NAALADL2: variants seen among roughly 807,000 people sequenced by gnomAD.
NAALADL2 encodes N-acetylated alpha-linked acidic dipeptidase like 2.
A neutral mutation model predicts 87.2 loss-of-function variants in NAALADL2; 76 were observed. The ratio of observed to expected loss-of-function variants is 0.87; its 90% CI spans 0.72 to 1.05. The LOEUF (loss-of-function observed/expected upper bound fraction) is 1.05. Among genes scored for constraint, NAALADL2 ranks in the 50% least tolerant of loss-of-function variants. The pLI, the probability that NAALADL2 is intolerant of heterozygous loss-of-function variation, is 0.00. For synonymous variants in NAALADL2, 354 were observed against 331.0 expected (o/e 1.07, Z -0.75); for missense variants, 1,089 against 945.8 (o/e 1.15, Z -1.99).
chr3:174,559,177 C>A (rs1713254743), intron 2 of NAALADL2, among the ~76,000 whole-genome samples: 1 of 152,008 alleles, frequency 6.6e-6, no homozygotes, highest in Non-Finnish European at 1.5e-5. Flanking sequence ...CAAACTTAAT[C>A]CCAAAGAGGA....
intron 10 of NAALADL2, among the ~76,000 whole-genome samples, chr3:175,591,814 A>G (rs1287840922): frequency 3.7e-5 from 5 of 135,072 alleles, no homozygotes; most frequent in African/African-American, 1.2e-4. Flanking sequence ...ATATATATAT[A>G]TATATATATA....
intron 5 of NAALADL2, among the ~76,000 whole-genome samples, chr3:175,386,093 G>A (rs900199426): frequency 1.3e-5 from 2 of 152,040 alleles, no homozygotes; most frequent in South Asian, 2.1e-4. Flanking sequence ...TCTGGGAGGC[G>A]ATTCTTGACA....
intron 1 of NAALADL2, among the ~76,000 whole-genome samples, chr3:174,948,916 G>T (rs1477282849): frequency 6.6e-6 from 1 of 152,164 alleles, no homozygotes; most frequent in Admixed American, 6.5e-5. Flanking sequence ...TCCCAATTCT[G>T]GAGGCAGGGA....
At chr3:175,369,427 CGTGT>C (rs1766153179) in intron 5 of NAALADL2, 1 of 150,030 alleles carries the variant, frequency 6.7e-6, no homozygotes, top group Non-Finnish European at 1.5e-5. Context: ...TGCCTGTGTG[CGTGT>C]GTGTACATAT....
At chr3:175,467,858 C>T (rs1724315968) in intron 8 of NAALADL2, among the ~76,000 whole-genome samples, 2 of 152,210 alleles carry the variant, frequency 1.3e-5, no homozygotes, top group East Asian at 1.9e-4. Context: ...ACCTGGGTCT[C>T]ATAAATGCAC....
chr3:175,509,519 T>A (rs995522507), intron 9 of NAALADL2, among the ~76,000 whole-genome samples: 1 of 152,232 alleles, frequency 6.6e-6, no homozygotes, highest in African/African-American at 2.4e-5. Context: ...ACTCCTTTTT[T>A]GTGTATATTA....
intron 2 of NAALADL2, among the ~76,000 whole-genome samples, chr3:175,110,456 G>A (rs978355042): frequency 2.6e-5 from 4 of 151,706 alleles, no homozygotes; most frequent in Non-Finnish European, 5.9e-5. Flanking sequence ...CGTATGTATA[G>A]GGACAGGGTT....
intron 1 of NAALADL2, among the ~76,000 whole-genome samples, chr3:174,501,091 T>TACTAAGATAGTAGTAGG (rs1718853060): frequency 6.8e-6 from 1 of 147,392 alleles, no homozygotes; most frequent in African/African-American, 2.6e-5. Context: ...TTTTTTTTTT[T>TACTAAGATAGTAGTAGG]TTTTTGAGAC....
chr3:174,703,519 A>G (rs1035351481), intron 2 of NAALADL2, among the ~76,000 whole-genome samples: 1 of 152,160 alleles, frequency 6.6e-6, no homozygotes, highest in African/African-American at 2.4e-5. Flanking sequence ...GACCACAGAC[A>G]TGATAATAAG....
At chr3:174,502,527 T>C (rs1718960419) in intron 1 of NAALADL2, among the ~76,000 whole-genome samples, 1 of 152,184 alleles carries the variant, frequency 6.6e-6, no homozygotes. Context: ...TTACCTCAAA[T>C]CTTTTATTTT....
chr3:175,050,027 C>T (rs999028838), intron 1 of NAALADL2, among the ~76,000 whole-genome samples: 2 of 152,080 alleles, frequency 1.3e-5, no homozygotes, highest in Non-Finnish European at 2.9e-5. Context: ...ACTCTGATTA[C>T]CTCCCAAATT....
intron 3 of NAALADL2, among the ~76,000 whole-genome samples, chr3:174,742,112 A>G (rs1733821409): frequency 1.3e-5 from 2 of 151,640 alleles, no homozygotes; most frequent in African/African-American, 2.4e-5. Flanking sequence ...ATAATAAAAT[A>G]TTTCTACCCT....
At chr3:175,442,813 G>A (rs1720033851) in intron 5 of NAALADL2, among the ~76,000 whole-genome samples, 1 of 152,150 alleles carries the variant, frequency 6.6e-6, no homozygotes, top group Admixed American at 6.5e-5. Context: ...GCATAAACAA[G>A]GTACAGAGTA....
Position 174,779,970 on chromosome 3 carries a change from CA to C in NAALADL2, c.-9+42225del, listed in dbSNP as rs1715734636. The stretch of plus-strand genomic sequence containing the variant: ...GGCTATACAGGTTCTTTTTTGATTC[CA>C]TATAAATTTAAAGTAGTTTTTTCTA... On this transcript the variant is annotated intron_variant, in intron 3 of 3. Coordinates refer to the NAALADL2 transcript ENST00000434257. Among the ~76,000 whole-genome samples, 3 of 152,008 alleles carry C rather than the reference CA, an allele frequency of 2.0e-5. No homozygotes were observed. In the South Asian group the frequency reaches 6.2e-4, roughly 31 times the overall value.
intron 1 of NAALADL2, among the ~76,000 whole-genome samples, chr3:174,861,921 A>G (rs924470423): frequency 1.3e-5 from 2 of 151,874 alleles, no homozygotes; most frequent in African/African-American, 4.8e-5. Context: ...CCTGAATAAA[A>G]GTGAAGTTAT....
At chr3:175,448,425 A>G (rs2149226117) in intron 6 of NAALADL2, among the ~76,000 whole-genome samples, 1 of 152,244 alleles carries the variant, frequency 6.6e-6, no homozygotes, top group East Asian at 1.9e-4. Context: ...ATAATAGTGT[A>G]GTTGTAAGAG....
intron 9 of NAALADL2, among the ~76,000 whole-genome samples, chr3:175,499,421 C>A (rs1560657490): frequency 1.3e-5 from 2 of 151,730 alleles, no homozygotes; most frequent in Non-Finnish European, 2.9e-5. Flanking sequence ...AAAAATTAAA[C>A]AAATAAACAT....
At chr3:175,263,996 T>C (rs990011364) in intron 4 of NAALADL2, among the ~76,000 whole-genome samples, 4 of 151,862 alleles carry the variant, frequency 2.6e-5, no homozygotes, top group Non-Finnish European at 5.9e-5. Context: ...AGCTTTTCCC[T>C]CTTCCTCTGT....
At chr3:174,519,326 C>CTTTTTTTTTTTTTTTTTT (rs557612913) in intron 1 of NAALADL2, among the ~76,000 whole-genome samples, 2 of 128,928 alleles carry the variant, frequency 1.6e-5, no homozygotes, top group African/African-American at 5.9e-5. Context: ...TGAAGATTTC[C>CTTTTTTTTTTTTTTTTTT]TTTTTTTTTT....
Sources: gnomAD v4.1 joint callset for allele counts (sites outside exome capture counted in the v4.1 genomes callset) on GRCh38, gnomAD v4.1.1 for gene constraint, MANE v1.5 for transcripts, NCBI Gene and HGNC (gene_info 2026-07-23, HGNC 2026-07-21) for gene names.